Variants in KCNQ1 observed in about 807,000 individuals in gnomAD.
KCNQ1 encodes the protein potassium voltage-gated channel subfamily Q member 1, also known as potassium voltage-gated channel subfamily KQT member 1.
A neutral mutation model predicts 72.4 loss-of-function variants in KCNQ1; 49 were observed. The observed-to-expected ratio is 0.68, with a 90% CI of 0.54 to 0.86. The LOEUF is 0.86. Among genes scored for constraint, KCNQ1 ranks in the 40% least tolerant of loss-of-function variants. KCNQ1 has a pLI of 0.00. For missense variants in KCNQ1, 790 were observed against 945.1 expected (o/e 0.84, Z 2.15); for synonymous variants, 450 against 412.6 (o/e 1.09, Z -1.10).
In KCNQ1 at chr11:2,668,129, C is replaced by T. The variant is rs979988833; in HGVS notation, c.1514+6048C>T. ...CACTCAATTTGATGTCTGGCAGCCT[C>T]TCTATGGGGCTGAAGGGAGAGTGCT... On this transcript the variant is annotated intron_variant, in intron 11 of 15. Coordinates refer to ENST00000155840, the MANE Select transcript of KCNQ1 (RefSeq NM_000218.3). The surrounding 1 kb of genome is among the most constrained non-coding windows in gnomAD (Gnocchi z 4.3). 1 of 398,514 alleles carries T rather than the reference C, an allele frequency of 2.5e-6. No individual in the cohort carries two copies. Among genetic ancestry groups the T allele is most frequent in the Non-Finnish European group, 4.4e-6 (1 of 226,088 alleles). The allele number at this position is 398,514 out of a possible 1,614,324, so 24.7% of individuals were successfully genotyped here.
At chr11:2,461,976 C>G (rs994731299) in intron 1 of KCNQ1, 2 of 365,608 alleles carry the variant, frequency 5.5e-6, no homozygotes, top group African/African-American at 4.3e-5. Flanking sequence ...GAGGGCCTCT[C>G]GGTGAGTGTG....
At chr11:2,684,439 A>G (rs1850450097) in intron 11 of KCNQ1, 1 of 398,630 alleles carries the variant, frequency 2.5e-6, no homozygotes, top group South Asian at 1.3e-4. Context: ...TTCATTTGAA[A>G]ACGTGTTCTT....
Position 2,670,195 on chromosome 11 carries a change from G to A in KCNQ1, c.1514+8114G>A. On this transcript the variant is annotated intron_variant, in intron 11 of 15. Coordinates refer to ENST00000155840, the MANE Select transcript of KCNQ1 (RefSeq NM_000218.3). The surrounding 1 kb of genome is among the most constrained non-coding windows in gnomAD (Gnocchi z 4.9). ...GCAAGCACCCACATTAAAGCAGAGT[G>A]AAGAGCAGGGCGAGCTGTGTAGCTC... The A allele has an allele frequency of 2.5e-6, 1 of 398,638 alleles. No individual in the cohort carries two copies. The highest frequency in any genetic ancestry group is 4.4e-6 in the Non-Finnish European group (1 of 226,084). The allele number at this position is 398,638 out of a possible 1,614,324, so 24.7% of individuals were successfully genotyped here.
Position 2,816,918 on chromosome 11 carries a change from ACCCCTGGGCAGTGGCTG to A in KCNQ1, c.1795-30843_1795-30827del, listed in dbSNP as rs1408146360. Reference sequence around the variant, plus strand: ...AATACATGTCTGTGACCACAGCCCAACCCCTGGGCAGTGGCTGCCCCTCTGCCTCTGGAGGTCCCCTC... The same window carrying A: ...AATACATGTCTGTGACCACAGCCCAACCCCTCTGCCTCTGGAGGTCCCCTC... On this transcript the variant is annotated intron_variant, in intron 15 of 15. Transcript: ENST00000155840. This position sits in a 1 kb window ranked among gnomAD's most constrained non-coding sequence, Gnocchi z 6.8. 2.0e-5 allele frequency among the ~76,000 whole-genome samples: 3 copies of A among 151,910 alleles called. No homozygotes were observed. Among genetic ancestry groups the A allele is most frequent in the Non-Finnish European group, 4.4e-5 (3 of 67,958 alleles).
In KCNQ1 at chr11:2,529,216, C is replaced by T. The variant is rs569403269; in HGVS notation, c.477+1198C>T. ...TGCTTTGGGGTTTTTCTATTCTGTC[C>T]CACTGGTCTCCTGGACTTTTCCTTT... On this transcript the variant is annotated intron_variant, in intron 2 of 15. Transcript: ENST00000155840. 2.0e-5 allele frequency among the ~76,000 whole-genome samples: 3 copies of T among 152,312 alleles called. No homozygotes were observed. The South Asian group carries it at 6.2e-4, about 32-fold the overall frequency.
intron 1 of KCNQ1, among the ~76,000 whole-genome samples, chr11:2,512,062 G>A (rs1019341917): frequency 6.6e-6 from 1 of 152,220 alleles, no homozygotes. Context: ...TGTCGGGCTC[G>A]GCGTGCAAGA....
At chr11:2,811,045 G>A (rs907696916) in intron 15 of KCNQ1, among the ~76,000 whole-genome samples, 3 of 152,192 alleles carry the variant, frequency 2.0e-5, no homozygotes, top group African/African-American at 4.8e-5. Flanking sequence ...ACTCACCCCC[G>A]CCCAGTCTTG....
rs2133630467 is a variant in KCNQ1 at position 2,518,902 on chromosome 11, GA to G, written c.387-9025del. 1.3e-5 allele frequency among the ~76,000 whole-genome samples: 2 copies of G among 152,352 alleles called. 1 individual carries two copies. The highest frequency in any genetic ancestry group is 4.1e-4 in the South Asian group (2 of 4,826). ...GGCCAAGGAGGCCCAGTCTGGTGGGGAGGCGTCCATTCACCCGGAGCTGGAC... is the reference window on the plus strand; with the variant it reads ...GGCCAAGGAGGCCCAGTCTGGTGGGGGGCGTCCATTCACCCGGAGCTGGAC... On this transcript the variant is annotated intron_variant, in intron 1 of 15. Coordinates refer to ENST00000155840, the MANE Select transcript of KCNQ1 (RefSeq NM_000218.3).
At chr11:2,632,968 T>TCA (rs1362678942) in intron 10 of KCNQ1, 1 of 398,374 alleles carries the variant, frequency 2.5e-6, no homozygotes, top group East Asian at 3.6e-5. Context: ...GATAGTCTAC[T>TCA]TTTAGTTTTT....
chr11:2,595,834 C>T lies in KCNQ1; in HGVS notation c.1393+6980C>T, dbSNP rs893634883. Reference sequence around the variant, plus strand: ...CTATAGCGGCCATAGATAGCGATTGCTTTGATGAATCTGGGCAAAGTAAAT... The same window carrying T: ...CTATAGCGGCCATAGATAGCGATTGTTTTGATGAATCTGGGCAAAGTAAAT... On this transcript the variant is annotated intron_variant, in intron 10 of 15. Transcript: ENST00000155840. The surrounding 1 kb of genome is among the most constrained non-coding windows in gnomAD (Gnocchi z 5.0). Among the ~76,000 whole-genome samples the T allele has an allele frequency of 6.6e-6, 1 of 152,108 alleles. No individual in the cohort carries two copies. Among genetic ancestry groups the T allele is most frequent in the Non-Finnish European group, 1.5e-5 (1 of 68,020 alleles).
At chr11:2,555,572 G>A (rs1021688595) in intron 2 of KCNQ1, among the ~76,000 whole-genome samples, 1 of 152,232 alleles carries the variant, frequency 6.6e-6, no homozygotes, top group African/African-American at 2.4e-5. Flanking sequence ...AGCCGGCTTG[G>A]GCCACTCCTG....
chr11:2,820,074 T>A (rs1375597624), intron 15 of KCNQ1, among the ~76,000 whole-genome samples: 1 of 152,266 alleles, frequency 6.6e-6, no homozygotes, highest in East Asian at 1.9e-4. Flanking sequence ...AATATTTTTC[T>A]ATTTTGCTAA....
rs1846477889 is a variant in KCNQ1, at chr11:2,471,937, TGC to T, written c.386+26457_386+26458del. 1.3e-5 allele frequency among the ~76,000 whole-genome samples: 2 copies of T among 151,710 alleles called. No homozygotes were observed. Among genetic ancestry groups the T allele is most frequent in the African/African-American group, 4.8e-5 (2 of 41,254 alleles). The stretch of plus-strand genomic sequence containing the variant: ...CTATGTGTGTATAGGCGTGTATGTG[TGC>T]GCGTGTGTAGGTGTGTGTTCATATA... On this transcript the variant is annotated intron_variant, in intron 1 of 15. Transcript: ENST00000155840. This position sits in a 1 kb window ranked among gnomAD's most constrained non-coding sequence, Gnocchi z 4.8.
rs777046803 is a variant in KCNQ1, at chr11:2,786,569, A to AT, written c.1794+8533dup. ...GTAGTAGACCACCTCACTCCCCTTC[A>AT]TATCTCTTAACCTTTTTTTTTTTTA... On this transcript the variant is annotated intron_variant, in intron 15 of 15. Coordinates refer to ENST00000155840, the MANE Select transcript of KCNQ1 (RefSeq NM_000218.3). Among the ~76,000 whole-genome samples, 24 of 139,934 alleles carry AT rather than the reference A, an allele frequency of 1.7e-4. No individual in the cohort carries two copies. In the East Asian group the frequency reaches 4.2e-3, roughly 25 times the overall value. The allele number at this position is 139,934 out of a possible 152,430, so 91.8% of individuals were successfully genotyped here.
intron 10 of KCNQ1, chr11:2,641,406 A>T: frequency 2.5e-6 from 1 of 398,056 alleles, no homozygotes. Context: ...TTTTTTTTTA[A>T]ATATACCTGT....
At chr11:2,792,677 A>C (rs1166237099) in intron 15 of KCNQ1, among the ~76,000 whole-genome samples, 3 of 152,220 alleles carry the variant, frequency 2.0e-5, no homozygotes, top group Non-Finnish European at 4.4e-5. Flanking sequence ...CCACCTTGGC[A>C]ACAGCAGGAG....
rs1222265203 is a variant in KCNQ1 at position 2,464,849 on chromosome 11, C to A, written c.386+19365C>A. ...ATGGAAGGAGCTGGAGTCCACAGGG[C>A]GCTTCTCTTCTCTTTTCCTGTGTGT... On this transcript the variant is annotated intron_variant, in intron 1 of 15. Coordinates refer to ENST00000155840, the MANE Select transcript of KCNQ1 (RefSeq NM_000218.3). The surrounding 1 kb of genome is among the most constrained non-coding windows in gnomAD (Gnocchi z 5.0). 1.3e-5 allele frequency among the ~76,000 whole-genome samples: 2 copies of A among 152,140 alleles called. No individual in the cohort carries two copies. Among genetic ancestry groups the A allele is most frequent in the Non-Finnish European group, 2.9e-5 (2 of 68,022 alleles).
intron 12 of KCNQ1, among the ~76,000 whole-genome samples, chr11:2,773,387 C>A (rs1412401783): frequency 6.6e-6 from 1 of 151,704 alleles, no homozygotes; most frequent in African/African-American, 2.4e-5. Context: ...CAGGGCTCAG[C>A]GTCCAATCTT....
intron 7 of KCNQ1, among the ~76,000 whole-genome samples, chr11:2,584,695 G>A (rs373606551): frequency 6.6e-6 from 1 of 151,376 alleles, no homozygotes; most frequent in East Asian, 1.9e-4. Flanking sequence ...GTGTCAGTGT[G>A]TGTGTGTTAG....
Sources: gnomAD v4.1 joint callset for allele counts (sites outside exome capture counted in the v4.1 genomes callset) on GRCh38, gnomAD v4.1.1 for gene constraint, Gnocchi (gnomAD v3.1) non-coding constraint, MANE v1.5 for transcripts, NCBI Gene and HGNC (gene_info 2026-07-23, HGNC 2026-07-21) for gene names.